Variants in PRR5L observed in about 807,000 individuals in gnomAD.
PRR5L encodes proline-rich protein 5-like.
Under a neutral mutation model 36.4 loss-of-function variants are expected in PRR5L, and 21 were observed. The observed-to-expected ratio is 0.58, with a 90% CI of 0.41 to 0.83. The LOEUF (loss-of-function observed/expected upper bound fraction) is 0.83, where lower values mean the gene tolerates loss of function less well. Among genes scored for constraint, PRR5L ranks in the 40% least tolerant of loss-of-function variants. PRR5L has a pLI of 0.00. For missense variants in PRR5L, 381 were observed against 473.3 expected (o/e 0.80, Z 1.81); for synonymous variants, 188 against 197.0 (o/e 0.95, Z 0.38).
chr11:36,406,614 C>G (rs1171072284), intron 3 of PRR5L, among the ~76,000 whole-genome samples: 2 of 152,190 alleles, frequency 1.3e-5, no homozygotes, highest in Non-Finnish European at 2.9e-5. Flanking sequence ...ATAGGCTGCT[C>G]TCTGGTTACA....
chr11:36,401,228 C>T lies in PRR5L; in HGVS notation c.107C>T (p.Pro36Leu). ...FMSSPVLSDL[P>L]RFQAARQALQ... is the part of the protein sequence containing the mutation. ...AGCTCCCCCGTGCTCAGCGACCTTC[C>T]CCGATTCCAAGCAGCTCGGCAGGCT... is the stretch of plus-strand genomic sequence containing the variant. Residue 36 changes from proline to leucine, a missense_variant, in exon 2 of 9, where the codon CCC becomes CTC. Transcript: ENST00000530639. The T allele has an allele frequency of 3.1e-6, 5 of 1,613,888 alleles. No individual in the cohort carries two copies. The highest frequency in any genetic ancestry group is 4.2e-6 in the Non-Finnish European group (5 of 1,179,992).
At chr11:36,320,906 C>T (rs1856608463) in intron 1 of PRR5L, among the ~76,000 whole-genome samples, 1 of 152,124 alleles carries the variant, frequency 6.6e-6, no homozygotes, top group Admixed American at 6.5e-5. Context: ...GCATGTGGTA[C>T]TCTGTAAAGA....
At chr11:36,349,100 C>T (rs1050543453) in intron 1 of PRR5L, among the ~76,000 whole-genome samples, 4 of 151,922 alleles carry the variant, frequency 2.6e-5, no homozygotes, top group South Asian at 2.1e-4. Flanking sequence ...GTGTGGCCAA[C>T]GTGGTGAAAC....
At chr11:36,305,432 G>A (rs535110778) in intron 1 of PRR5L, among the ~76,000 whole-genome samples, 1 of 152,228 alleles carries the variant, frequency 6.6e-6, no homozygotes, top group African/African-American at 2.4e-5. Flanking sequence ...TCCTTTTTGG[G>A]GTGATAAAAG....
chr11:36,413,230 C>T (rs1295462883), intron 3 of PRR5L, among the ~76,000 whole-genome samples: 2 of 152,350 alleles, frequency 1.3e-5, no homozygotes, highest in African/African-American at 4.8e-5. Context: ...CCCCTTTCCT[C>T]ATCTCTTCAC....
In PRR5L at chr11:36,351,475, ATATATATT is replaced by A. The variant is rs1856952926; in HGVS notation, c.-125-49506_-125-49499del. ...TATATATTTATATATTTATATATAC[ATATATATT>A]TATATATTTATATATATTTTTATAT... On this transcript the variant is annotated intron_variant, in intron 1 of 8. Transcript: ENST00000530639. Among the ~76,000 whole-genome samples the A allele has an allele frequency of 1.3e-4, 4 of 30,884 alleles. 1 individual carries two copies. The highest frequency in any genetic ancestry group is 1.2e-3 in the Admixed American group (2 of 1,684). 20.3% of individuals were successfully genotyped at this position (30,884 alleles called of 152,430 possible).
chr11:36,383,695 CTTTTTT>C (rs34900545), intron 1 of PRR5L, among the ~76,000 whole-genome samples: 1 of 109,256 alleles, frequency 9.2e-6, no homozygotes. Flanking sequence ...CTTTCTTTTC[CTTTTTT>C]TTTTTTTTTT....
chr11:36,333,733 A>T (rs1400207904), intron 1 of PRR5L, among the ~76,000 whole-genome samples: 2 of 152,174 alleles, frequency 1.3e-5, no homozygotes, highest in African/African-American at 4.8e-5. Flanking sequence ...GGGGTTGGGG[A>T]TGAATTGCAA....
In PRR5L at chr11:36,401,180, G is replaced by A. The variant is rs201146236; in HGVS notation, c.59G>A (p.Arg20His). 1.3e-4 allele frequency: 209 copies of A among 1,614,106 alleles called. 3 individuals carry two copies. In the East Asian group the frequency reaches 3.5e-3, roughly 27 times the overall value. The change falls in exon 2 of 9, where the codon CGC becomes CAC. Residue 20 changes from arginine to histidine, a missense_variant. Coordinates refer to ENST00000530639, the MANE Select transcript of PRR5L (RefSeq NM_001160167.2). ...PVEFHKMGSF[R>H]RPRPRFMSSP... Reference sequence around the variant, plus strand: ...GAGTTCCACAAGATGGGCTCCTTCCGCAGGCCTAGACCGCGCTTCATGAGC... The same window carrying A: ...GAGTTCCACAAGATGGGCTCCTTCCACAGGCCTAGACCGCGCTTCATGAGC...
At chr11:36,381,355 G>T (rs1005642438) in intron 1 of PRR5L, among the ~76,000 whole-genome samples, 3 of 151,468 alleles carry the variant, frequency 2.0e-5, no homozygotes, top group African/African-American at 7.3e-5. Context: ...CAGCTGTTTA[G>T]GAACTGGAGT....
chr11:36,416,418 C>T (rs1394292441), intron 3 of PRR5L, among the ~76,000 whole-genome samples: 2 of 152,194 alleles, frequency 1.3e-5, no homozygotes, highest in Admixed American at 1.3e-4. Context: ...GTGTGGTTCT[C>T]CTACTGTACC....
chr11:36,334,513 A>G (rs890423570), intron 1 of PRR5L, among the ~76,000 whole-genome samples: 5 of 152,240 alleles, frequency 3.3e-5, no homozygotes, highest in African/African-American at 1.2e-4. Flanking sequence ...CCTCTGGTAC[A>G]CCATCAAGGT....
At chr11:36,438,654 T>C (rs1000803278) in intron 6 of PRR5L, among the ~76,000 whole-genome samples, 1 of 152,080 alleles carries the variant, frequency 6.6e-6, no homozygotes, top group African/African-American at 2.4e-5. Flanking sequence ...GGTTGCCAGA[T>C]GAAGCAAATA....
chr11:36,377,875 C>T lies in PRR5L; in HGVS notation c.-125-23122C>T, dbSNP rs960873427. Among the ~76,000 whole-genome samples, 2 of 152,196 alleles carry T rather than the reference C, an allele frequency of 1.3e-5. No individual in the cohort carries two copies. Among genetic ancestry groups the T allele is most frequent in the African/African-American group, 2.4e-5 (1 of 41,456 alleles). On this transcript the variant is annotated intron_variant, in intron 1 of 8. Transcript: ENST00000530639. This position sits in a 1 kb window ranked among gnomAD's most constrained non-coding sequence, Gnocchi z 5.1. ...GGAAAAAGCTCTGGGCTGGAATCTC[C>T]GGGCTTCCCTGCTTGGGCAGAATTC...
intron 1 of PRR5L, among the ~76,000 whole-genome samples, chr11:36,327,852 G>T (rs113805701): frequency 1.5e-4 from 23 of 152,240 alleles, no homozygotes; most frequent in African/African-American, 5.5e-4. Flanking sequence ...GGCACCCCCT[G>T]TCCCAACTTC....
chr11:36,459,211 C>A (rs760957910), intron 8 of PRR5L, among the ~76,000 whole-genome samples: 15 of 152,302 alleles, frequency 9.8e-5, no homozygotes, highest in Middle Eastern at 3.4e-3. Flanking sequence ...GATACCAGGC[C>A]TAGGTGGCAG....
chr11:36,306,913 A>C (rs1856438956), intron 1 of PRR5L, among the ~76,000 whole-genome samples: 1 of 152,190 alleles, frequency 6.6e-6, no homozygotes, highest in Non-Finnish European at 1.5e-5. Flanking sequence ...ATAATGTTTA[A>C]AAAATAAAAG....
intron 1 of PRR5L, among the ~76,000 whole-genome samples, chr11:36,380,942 C>T (rs538853886): frequency 1.3e-5 from 2 of 152,276 alleles, no homozygotes; most frequent in East Asian, 1.9e-4. Flanking sequence ...TCCATCTGAC[C>T]GTGGCCTACG....
chr11:36,456,203 CTA>C (rs1457553742), intron 8 of PRR5L, among the ~76,000 whole-genome samples: 2 of 152,144 alleles, frequency 1.3e-5, no homozygotes, highest in Non-Finnish European at 2.9e-5. Context: ...GAGCTGCCTG[CTA>C]TGTTATGGAC....
Sources: gnomAD v4.1 joint callset for allele counts (sites outside exome capture counted in the v4.1 genomes callset) on GRCh38, gnomAD v4.1.1 for gene constraint, Gnocchi (gnomAD v3.1) non-coding constraint, MANE v1.5 for transcripts, NCBI Gene and HGNC (gene_info 2026-07-23, HGNC 2026-07-21) for gene names.